ORC3: variants seen among roughly 807,000 people sequenced by gnomAD.
The protein encoded by ORC3 is origin recognition complex subunit 3, also known as homolog of latheo, Drosophila.
In ORC3, 78 loss-of-function variants were observed where a neutral mutation model predicts 100.7. The ratio of observed to expected loss-of-function variants is 0.77; its 90% confidence interval spans 0.65 to 0.94. The LOEUF (loss-of-function observed/expected upper bound fraction) is 0.94. Among genes scored for constraint, ORC3 ranks in the 40% least tolerant of loss-of-function variants. The probability of loss-of-function intolerance (pLI) is 0.00; values close to 1 mark genes in which losing one functional copy is unlikely to be tolerated. For synonymous variants in ORC3, 295 were observed against 289.3 expected (o/e 1.02, Z -0.20); for missense variants, 789 against 823.9 (o/e 0.96, Z 0.52).
At chr6:87,655,096 CTA>C (rs1769569686) in intron 14 of ORC3, among the ~76,000 whole-genome samples, 1 of 152,180 alleles carries the variant, frequency 6.6e-6, no homozygotes, top group Non-Finnish European at 1.5e-5. Flanking sequence ...AAATATTTGG[CTA>C]TATGCTATCT....
intron 2 of ORC3, among the ~76,000 whole-genome samples, chr6:87,596,364 G>C (rs752042078): frequency 6.6e-6 from 1 of 151,192 alleles, no homozygotes; most frequent in South Asian, 2.1e-4. Flanking sequence ...CGAACTCCCG[G>C]CCTTGTGATC....
At chr6:87,650,257 T>C (rs1028278516) in intron 13 of ORC3, among the ~76,000 whole-genome samples, 3 of 152,078 alleles carry the variant, frequency 2.0e-5, no homozygotes, top group African/African-American at 7.2e-5. Context: ...GGTCTCACTT[T>C]GTTGGCCAGG....
Position 87,656,925 on chromosome 6 carries a change from T to A in ORC3, c.1536T>A (p.Asp512Glu). 1 of 1,612,824 alleles carries A rather than the reference T, an allele frequency of 6.2e-7. No homozygotes were observed. The highest frequency in any genetic ancestry group is 8.5e-7 in the Non-Finnish European group (1 of 1,179,142). The change falls in exon 15 of 20, where the codon GAT becomes GAA. Residue 512 changes from aspartate to glutamate, a missense_variant. Coordinates refer to ENST00000392844, the MANE Select transcript of ORC3 (RefSeq NM_012381.4). ...AAGCAGAAACCAAAGAGGAAGAAGA[T>A]GCTTCTGGGTCACAGCCAAAGGGGC... ...QSLDETKEEE[D>E]ASGSQPKGLQ...
intron 13 of ORC3, among the ~76,000 whole-genome samples, chr6:87,648,300 C>T (rs938616594): frequency 6.6e-6 from 1 of 152,158 alleles, no homozygotes; most frequent in Non-Finnish European, 1.5e-5. Context: ...TCTGATATTA[C>T]CCCTTGTATT....
intron 15 of ORC3, 118 bp downstream of exon 15, chr6:87,657,100 C>T: frequency 1.5e-6 from 1 of 686,280 alleles, no homozygotes; most frequent in East Asian, 2.8e-5. Flanking sequence ...CAACCAGGAA[C>T]AAAGCAGACT....
At chr6:87,594,662 A>G in intron 2 of ORC3, 1 of 734,668 alleles carries the variant, frequency 1.4e-6, no homozygotes, top group Non-Finnish European at 1.8e-6. Context: ...TATTCTTTAA[A>G]AGAGATTGTC....
At chr6:87,663,255 C>A in intron 17 of ORC3, 111 bp downstream of exon 17, 2 of 752,486 alleles carry the variant, frequency 2.7e-6, no homozygotes, top group South Asian at 2.4e-5. Flanking sequence ...GTCGGCAATT[C>A]AGGGTTGCAC....
rs1554236515 is a variant in ORC3 at position 87,602,954 on chromosome 6, A to ATTTATATATATATATATATATATAT, written c.178-430_178-429insTTTATATATATATATATATATATAT. ...CGTTTATATATATATACACATATATAATATATATATATATATACATATATA... is the reference window on the plus strand; with the variant it reads ...CGTTTATATATATATACACATATATATTTATATATATATATATATATATATATATATATATATATATACATATATA... On this transcript the variant is annotated intron_variant, in intron 3 of 19. Coordinates refer to ENST00000392844, the MANE Select transcript of ORC3 (RefSeq NM_012381.4). Among the ~76,000 whole-genome samples, 110 of 95,204 alleles carry ATTTATATATATATATATATATATAT rather than the reference A, an allele frequency of 1.2e-3. 2 individuals are homozygous for ATTTATATATATATATATATATATAT. The highest frequency in any genetic ancestry group is 5.3e-3 in the Middle Eastern group (1 of 190). The allele number at this position is 95,204 out of a possible 152,430, so 62.5% of individuals were successfully genotyped here.
Position 87,611,027 on chromosome 6 carries a change from C to G in ORC3, c.714-1062C>G, listed in dbSNP as rs116211136. ...TCTTGGCTCACTGCACCCTCCACCT[C>G]CTGGGCTTAAGCAGTCCTCCCTTCT... On this transcript the variant is annotated intron_variant, in intron 7 of 19. Transcript: ENST00000392844. Among the ~76,000 whole-genome samples the G allele has an allele frequency of 9.1e-3, 1,366 of 149,640 alleles. 21 individuals are homozygous for G. The highest frequency in any genetic ancestry group is 0.031 in the African/African-American group (1,271 of 40,678).
chr6:87,622,076 G>A, intron 11 of ORC3, 63 bp downstream of exon 11: 9 of 1,062,784 alleles, frequency 8.5e-6, no homozygotes, highest in Non-Finnish European at 1.3e-5. Context: ...GAATATGCAT[G>A]TAACATTTAT....
chr6:87,619,365 C>A (rs1779377653), intron 9 of ORC3, among the ~76,000 whole-genome samples: 1 of 152,144 alleles, frequency 6.6e-6, no homozygotes, highest in African/African-American at 2.4e-5. Context: ...TTAAGCACTT[C>A]CTTTATGCTT....
the ORC3 span, among the ~76,000 whole-genome samples, chr6:87,673,317 C>G: frequency 6.6e-6 from 1 of 151,998 alleles, no homozygotes; most frequent in Non-Finnish European, 1.5e-5. Flanking sequence ...ATCCTGCTAA[C>G]CAGTGGTTCT....
intron 13 of ORC3, among the ~76,000 whole-genome samples, chr6:87,640,520 G>A (rs1395200087): frequency 1.3e-5 from 2 of 152,132 alleles, no homozygotes; most frequent in African/African-American, 4.8e-5. Context: ...TGGGATATGA[G>A]TAGGTTAATT....
chr6:87,598,389 A>G (rs1331202404), intron 2 of ORC3, among the ~76,000 whole-genome samples: 7 of 152,228 alleles, frequency 4.6e-5, no homozygotes, highest in Non-Finnish European at 1.5e-5. Flanking sequence ...ATTGAAATAT[A>G]TAAGGATACT....
At chr6:87,596,448 GTT>G (rs34256004) in intron 2 of ORC3, among the ~76,000 whole-genome samples, 1 of 144,240 alleles carries the variant, frequency 6.9e-6, no homozygotes. Flanking sequence ...TTTTTTTGTT[GTT>G]TTTTTTTTTT....
chr6:87,676,596 A>AACACACGCACGTGCGCAC, the ORC3 span, among the ~76,000 whole-genome samples: 3 of 142,046 alleles, frequency 2.1e-5, no homozygotes, highest in African/African-American at 8.1e-5. Flanking sequence ...CTCTACTAAA[A>AACACACGCACGTGCGCAC]ACACACACAC....
Position 87,594,362 on chromosome 6 carries a change from G to A in ORC3, c.34G>A (p.Val12Ile). ...ATSSMSKGCF[V>I]FKPNSKKRKI... ...GTCTTTCTTTTTATAGGGTTGCTTT[G>A]TTTTTAAGCCAAACTCCAAAAAGAG... Residue 12 changes from valine (V) to isoleucine (I), a missense_variant, in exon 2 of 20, where the codon GTT becomes ATT. Transcript: ENST00000392844. The A allele has an allele frequency of 6.3e-7, 1 of 1,583,354 alleles. No individual in the cohort carries two copies. The highest frequency in any genetic ancestry group is 8.6e-7 in the Non-Finnish European group (1 of 1,158,818).
At chr6:87,676,596 A>AACACACGCGCGCACACACAC in the ORC3 span, among the ~76,000 whole-genome samples, 2 of 142,046 alleles carry the variant, frequency 1.4e-5, no homozygotes, top group African/African-American at 5.4e-5. Flanking sequence ...CTCTACTAAA[A>AACACACGCGCGCACACACAC]ACACACACAC....
chr6:87,592,098 A>G (rs1777078524), intron 1 of ORC3, among the ~76,000 whole-genome samples: 1 of 152,118 alleles, frequency 6.6e-6, no homozygotes, highest in South Asian at 2.1e-4. Flanking sequence ...GCCTTCCTCT[A>G]TCTCAAACAC....
Sources: allele counts gnomAD v4.1 joint callset (sites outside exome capture counted in the v4.1 genomes callset), GRCh38; gene constraint gnomAD v4.1.1; transcripts MANE v1.5; gene names NCBI Gene and HGNC (gene_info 2026-07-23, HGNC 2026-07-21).